PTPRT: variants seen among roughly 807,000 people sequenced by gnomAD.
PTPRT encodes the protein protein tyrosine phosphatase receptor type T.
PTPRT carries 56 observed loss-of-function variants against 176.8 expected under a neutral mutation model. That is an observed-to-expected ratio of 0.32 (90% CI 0.26 to 0.40). The LOEUF is 0.40. Ranked by LOEUF, PTPRT falls within the 10% of genes least tolerant of loss-of-function variation. PTPRT has a pLI of 1.00. For missense variants in PTPRT, 1,540 were observed against 1,908.2 expected (o/e 0.81, Z 3.60); for synonymous variants, 783 against 739.0 (o/e 1.06, Z -0.96).
intron 1 of PTPRT, among the ~76,000 whole-genome samples, chr20:42,889,930 C>G (rs772802133): frequency 6.6e-5 from 10 of 152,122 alleles, no homozygotes; most frequent in Non-Finnish European, 1.0e-4. Flanking sequence ...AGAAAAAAAG[C>G]AAAACCTGGT....
rs556412095 is a variant in PTPRT at position 43,127,198 on chromosome 20, C to A, written c.88+62448G>T. On this transcript the variant is annotated intron_variant, in intron 1 of 30. Coordinates refer to ENST00000373187, the MANE Select transcript of PTPRT (RefSeq NM_007050.6). ...CAGCACTTTGGGAGGCAAAGGCGGG[C>A]GGATCACAAGGTCAGGAGATGGAGA... Among the ~76,000 whole-genome samples, 11 of 152,060 alleles carry A rather than the reference C, an allele frequency of 7.2e-5. No homozygotes were observed. In the East Asian group the frequency reaches 1.7e-3, roughly 24 times the overall value.
downstream of PTPRT, among the ~76,000 whole-genome samples, chr20:42,069,324 T>A (rs1202097863): frequency 1.3e-5 from 2 of 152,252 alleles, no homozygotes; most frequent in East Asian, 1.9e-4. Flanking sequence ...TGAAAAAAAT[T>A]TCTTCTAGGC....
chr20:43,108,869 C>T (rs886171254), intron 1 of PTPRT, among the ~76,000 whole-genome samples: 1 of 152,002 alleles, frequency 6.6e-6, no homozygotes, highest in Non-Finnish European at 1.5e-5. Context: ...AAAAAGGCTT[C>T]GAAAAGATGC....
chr20:42,984,234 T>G (rs1052547486), intron 1 of PTPRT, among the ~76,000 whole-genome samples: 1 of 152,182 alleles, frequency 6.6e-6, no homozygotes, highest in African/African-American at 2.4e-5. Flanking sequence ...ACATGCACCC[T>G]TCCTCAATTC....
intron 1 of PTPRT, among the ~76,000 whole-genome samples, chr20:43,114,674 T>C (rs1268941774): frequency 2.0e-5 from 3 of 152,212 alleles, no homozygotes; most frequent in Admixed American, 6.5e-5. Flanking sequence ...GCATTTCTTA[T>C]AGGCATTTTT....
chr20:42,386,972 T>A (rs1178450045), intron 9 of PTPRT, among the ~76,000 whole-genome samples: 1 of 152,242 alleles, frequency 6.6e-6, no homozygotes, highest in Non-Finnish European at 1.5e-5. Context: ...ATGTGACCCA[T>A]AATTGTCTGC....
At chr20:42,158,678 C>T (rs948087051) in intron 17 of PTPRT, among the ~76,000 whole-genome samples, 6 of 152,200 alleles carry the variant, frequency 3.9e-5, no homozygotes, top group Middle Eastern at 3.4e-3. Context: ...CTGGACATTG[C>T]GGGCTAGCAC....
At chr20:42,057,952 A>G in the PTPRT span, among the ~76,000 whole-genome samples, 1 of 152,222 alleles carries the variant, frequency 6.6e-6, no homozygotes, top group Non-Finnish European at 1.5e-5. Context: ...TCAAACAATT[A>G]GGGAAAGTCA....
chr20:43,144,313 T>C (rs1339826464), intron 1 of PTPRT, among the ~76,000 whole-genome samples: 15 of 152,222 alleles, frequency 9.9e-5, no homozygotes, highest in Non-Finnish European at 1.5e-5. Context: ...CATTGGAGGA[T>C]GGATCCTACC....
intron 2 of PTPRT, among the ~76,000 whole-genome samples, chr20:42,874,440 CA>C (rs5841478): frequency 0.27 from 41,497 of 151,086 alleles, 5,894 homozygotes; most frequent in African/African-American, 0.36. Flanking sequence ...ATCCTCTCCT[CA>C]AAAAAAAAGT....
chr20:42,449,676 G>A (rs1025850432), intron 8 of PTPRT, among the ~76,000 whole-genome samples: 1 of 152,146 alleles, frequency 6.6e-6, no homozygotes, highest in African/African-American at 2.4e-5. Flanking sequence ...CTAAACACCT[G>A]TCTGTGAGTT....
chr20:42,811,836 G>C (rs537537699), intron 2 of PTPRT, among the ~76,000 whole-genome samples: 200 of 152,180 alleles, frequency 1.3e-3, no homozygotes, highest in Middle Eastern at 0.01. Flanking sequence ...CTGCATTCAT[G>C]AATCTTTTAT....
At chr20:42,744,312 A>T (rs1460310492) in intron 6 of PTPRT, among the ~76,000 whole-genome samples, 1 of 152,182 alleles carries the variant, frequency 6.6e-6, no homozygotes, top group Non-Finnish European at 1.5e-5. Context: ...TTTTGCCCTC[A>T]TGTATTCTGG....
chr20:42,141,295 C>G (rs1235792673), intron 18 of PTPRT, among the ~76,000 whole-genome samples: 1 of 152,236 alleles, frequency 6.6e-6, no homozygotes, highest in African/African-American at 2.4e-5. Flanking sequence ...TAGCCCCGGG[C>G]TCCTGTGAGG....
chr20:42,107,083 C>G (rs1986521275), intron 23 of PTPRT, among the ~76,000 whole-genome samples, 162 bp from the exon 24 acceptor site: 1 of 152,226 alleles, frequency 6.6e-6, no homozygotes, highest in African/African-American at 2.4e-5. Flanking sequence ...AATGCATGTG[C>G]AAACCACACA....
chr20:42,197,668 G>A (rs1259520837), intron 16 of PTPRT, among the ~76,000 whole-genome samples: 5 of 151,880 alleles, frequency 3.3e-5, no homozygotes, highest in Admixed American at 3.3e-4. Flanking sequence ...TGAATTCTCT[G>A]GAGGTAAAGT....
At chr20:42,937,266 A>G (rs1484454569) in intron 1 of PTPRT, among the ~76,000 whole-genome samples, 1 of 152,204 alleles carries the variant, frequency 6.6e-6, no homozygotes, top group African/African-American at 2.4e-5. Context: ...ATGCATACAC[A>G]GGCACTGGGT....
At chr20:43,062,546 T>C (rs1439488941) in intron 1 of PTPRT, among the ~76,000 whole-genome samples, 2 of 152,220 alleles carry the variant, frequency 1.3e-5, no homozygotes, top group Non-Finnish European at 2.9e-5. Context: ...CTGCTAAATG[T>C]TCCTTACTAT....
intron 1 of PTPRT, among the ~76,000 whole-genome samples, chr20:43,188,864 G>GT (rs2015465981): frequency 6.7e-6 from 1 of 149,920 alleles, no homozygotes; most frequent in South Asian, 2.1e-4. Context: ...AGCACGGCAG[G>GT]CACCACCCCC....
Sources: gnomAD v4.1 joint callset for allele counts (sites outside exome capture counted in the v4.1 genomes callset) on GRCh38, gnomAD v4.1.1 for gene constraint, MANE v1.5 for transcripts, NCBI Gene and HGNC (gene_info 2026-07-23, HGNC 2026-07-21) for gene names.